The following PEBP4 variants were observed in gnomAD, a reference collection of about 807,000 sequenced individuals.
PEBP4 encodes the protein phosphatidylethanolamine-binding protein 4.
PEBP4 carries 22 observed loss-of-function variants against 23.9 expected under a neutral mutation model. The ratio of observed to expected loss-of-function variants is 0.92; its 90% CI spans 0.66 to 1.31. The LOEUF is 1.31. Among genes scored for constraint, PEBP4 ranks in the 40% most tolerant of loss-of-function variants. The probability of loss-of-function intolerance (pLI) is 0.00; values close to 1 mark genes in which losing one functional copy is unlikely to be tolerated. For synonymous variants in PEBP4, 112 were observed against 99.3 expected (o/e 1.13, Z -0.76); for missense variants, 324 against 281.7 (o/e 1.15, Z -1.07).
intron 3 of PEBP4, among the ~76,000 whole-genome samples, chr8:22,832,579 T>C (rs1807109088): frequency 6.6e-6 from 1 of 151,896 alleles, no homozygotes. Flanking sequence ...AGAGAGAAAA[T>C]CTCTGGGGCC....
intron 4 of PEBP4, among the ~76,000 whole-genome samples, chr8:22,752,166 C>T (rs557930321): frequency 1.2e-4 from 18 of 152,306 alleles, no homozygotes; most frequent in Non-Finnish European, 2.5e-4. Context: ...ACCTTGGCCT[C>T]CCAAAGTGCT....
chr8:22,803,067 A>G (rs901207764), intron 4 of PEBP4, among the ~76,000 whole-genome samples: 3 of 152,118 alleles, frequency 2.0e-5, no homozygotes, highest in Middle Eastern at 3.2e-3. Context: ...ATGGCCTCCA[A>G]GGCCCTGTAC....
chr8:22,815,171 G>A (rs1455417749), intron 4 of PEBP4: 1 of 152,194 alleles, frequency 6.6e-6, no homozygotes, highest in Non-Finnish European at 1.5e-5. Flanking sequence ...AGTTTCAAGA[G>A]TTTTAAAAGT....
intron 4 of PEBP4, among the ~76,000 whole-genome samples, chr8:22,804,385 C>CA (rs964190436): frequency 3.3e-5 from 5 of 152,200 alleles, no homozygotes; most frequent in African/African-American, 1.2e-4. Context: ...AGTCCTCCCA[C>CA]AGTCTGTGTG....
At chr8:22,890,953 C>T (rs530583894) in intron 3 of PEBP4, among the ~76,000 whole-genome samples, 106 of 152,262 alleles carry the variant, frequency 7.0e-4, no homozygotes, top group Middle Eastern at 3.4e-3. Flanking sequence ...CTCAGCCTTG[C>T]GAGTAGCTGA....
At chr8:22,758,064 G>T (rs186795787) in intron 4 of PEBP4, 92 of 152,352 alleles carry the variant, frequency 6.0e-4, no homozygotes, top group African/African-American at 2.2e-3. Context: ...TTCAAAAAAT[G>T]GGGACTCTAA....
At chr8:22,875,944 C>A (rs1808112085) in intron 3 of PEBP4, among the ~76,000 whole-genome samples, 1 of 152,168 alleles carries the variant, frequency 6.6e-6, no homozygotes, top group Non-Finnish European at 1.5e-5. Context: ...GACTCTCACT[C>A]TGTCGCCCAG....
chr8:22,719,717 C>A (rs139725307), intron 6 of PEBP4, among the ~76,000 whole-genome samples: 2 of 152,268 alleles, frequency 1.3e-5, no homozygotes, highest in East Asian at 1.9e-4. Context: ...TCAGGCTTTG[C>A]TTTCCTCGTT....
At chr8:22,788,197 T>G (rs1806065965) in intron 4 of PEBP4, among the ~76,000 whole-genome samples, 1 of 151,456 alleles carries the variant, frequency 6.6e-6, no homozygotes, top group African/African-American at 2.4e-5. Flanking sequence ...GGCAGTGGGA[T>G]CCAGGTAGCT....
At chr8:22,868,287 C>T (rs564582201) in intron 3 of PEBP4, among the ~76,000 whole-genome samples, 3 of 152,226 alleles carry the variant, frequency 2.0e-5, no homozygotes, top group African/African-American at 7.2e-5. Flanking sequence ...GGGGATTTGT[C>T]TTTGTGATTG....
chr8:22,889,429 C>A lies in PEBP4; in HGVS notation c.258+30755G>T, dbSNP rs563471596. 2.6e-5 allele frequency among the ~76,000 whole-genome samples: 4 copies of A among 152,270 alleles called. No individual in the cohort carries two copies. The South Asian group carries it at 8.3e-4, about 32-fold the overall frequency. On this transcript the variant is annotated intron_variant, in intron 3 of 6. Transcript: ENST00000256404. ...CCCAGTCCCCTTCAGAAGATGCTACCCTGTTCTCCTTTCTGCTCTAAGGCT... is the reference window on the plus strand; with the variant it reads ...CCCAGTCCCCTTCAGAAGATGCTACACTGTTCTCCTTTCTGCTCTAAGGCT...
intron 3 of PEBP4, among the ~76,000 whole-genome samples, chr8:22,825,887 G>A (rs772279011): frequency 6.6e-5 from 10 of 152,346 alleles, no homozygotes; most frequent in Middle Eastern, 3.4e-3. Context: ...TGGTGACAAC[G>A]TGGATAAACC....
chr8:22,879,644 C>T (rs1023601226), intron 3 of PEBP4, among the ~76,000 whole-genome samples: 19 of 152,144 alleles, frequency 1.2e-4, no homozygotes, highest in Admixed American at 8.5e-4. Context: ...CGTTATCCCA[C>T]GAGGGTCGAG....
intron 3 of PEBP4, among the ~76,000 whole-genome samples, chr8:22,909,530 C>T (rs1808890174): frequency 6.6e-6 from 1 of 152,136 alleles, no homozygotes; most frequent in African/African-American, 2.4e-5. Context: ...GTGACAGAAC[C>T]AGAGGAGTCT....
chr8:22,726,915 C>A (rs1176744094), intron 5 of PEBP4, among the ~76,000 whole-genome samples: 1 of 152,196 alleles, frequency 6.6e-6, no homozygotes, highest in Non-Finnish European at 1.5e-5. Flanking sequence ...GTCAGATGGC[C>A]CCCTGCACTG....
chr8:22,773,965 G>A (rs915524354), intron 4 of PEBP4, among the ~76,000 whole-genome samples: 2 of 152,142 alleles, frequency 1.3e-5, no homozygotes, highest in Admixed American at 6.5e-5. Context: ...GTAGGGTAGA[G>A]AGCCCTGGCT....
At chr8:22,760,624 C>T in intron 4 of PEBP4, among the ~76,000 whole-genome samples, 1 of 152,060 alleles carries the variant, frequency 6.6e-6, no homozygotes, top group Non-Finnish European at 1.5e-5. Context: ...AGGGAGAAGG[C>T]TCCAGAGGCC....
At chr8:22,925,495 A>G (rs4871841) in intron 2 of PEBP4, among the ~76,000 whole-genome samples, 65,429 of 152,060 alleles carry the variant, frequency 0.43, 14,741 homozygotes, top group African/African-American at 0.56. Context: ...GGGTGCTAAC[A>G]CAGACTTTGT....
intron 4 of PEBP4, among the ~76,000 whole-genome samples, chr8:22,730,400 G>T (rs150425881): frequency 1.3e-5 from 2 of 152,220 alleles, no homozygotes; most frequent in Non-Finnish European, 2.9e-5. Context: ...AATTATCTGG[G>T]CATGATGGCC....
Sources: gnomAD v4.1 joint callset for allele counts (sites outside exome capture counted in the v4.1 genomes callset) on GRCh38, gnomAD v4.1.1 for gene constraint, MANE v1.5 for transcripts, NCBI Gene and HGNC (gene_info 2026-07-23, HGNC 2026-07-21) for gene names.